Variants in TRPC7 observed in about 807,000 individuals in gnomAD.
TRPC7 encodes transient receptor potential cation channel subfamily C member 7.
A neutral mutation model predicts 90.1 loss-of-function variants in TRPC7; 42 were observed. The observed-to-expected ratio is 0.47, with a 90% CI of 0.36 to 0.60. The LOEUF (loss-of-function observed/expected upper bound fraction) is 0.60. Ranked by LOEUF, TRPC7 falls within the 20% of genes least tolerant of loss-of-function variation. The pLI, the probability that TRPC7 is intolerant of heterozygous loss-of-function variation, is 0.00. For missense variants in TRPC7, 955 were observed against 1,112.3 expected, an observed-to-expected ratio of 0.86 and a Z score of 2.01; for synonymous variants, 451 against 436.3, an observed-to-expected ratio of 1.03 and a Z score of -0.42.
chr5:136,324,312 A>G (rs1049939991), intron 2 of TRPC7, among the ~76,000 whole-genome samples: 1 of 152,176 alleles, frequency 6.6e-6, no homozygotes, highest in Non-Finnish European at 1.5e-5. Context: ...AGAAATGTGC[A>G]TTTACATTGC....
chr5:136,357,387 T>C lies in TRPC7; in HGVS notation c.3-2A>G, dbSNP rs779944989. 1 of 1,588,418 alleles carries C rather than the reference T, an allele frequency of 6.3e-7. No individual in the cohort carries two copies. The highest frequency in any genetic ancestry group is 2.2e-5 in the East Asian group (1 of 44,630). On this transcript the variant is annotated splice_acceptor_variant, in intron 1 of 11. Transcript: ENST00000513104. LOFTEE classifies it high-confidence loss of function. ...TTTTTGAAGGTGCTGTTCCTCAACC[T>C]ATGGGACAAGGCAAAGATGCCCTGT...
intron 2 of TRPC7, among the ~76,000 whole-genome samples, chr5:136,317,096 C>T (rs753478067): frequency 7.2e-5 from 11 of 152,156 alleles, no homozygotes; most frequent in Non-Finnish European, 1.6e-4. Flanking sequence ...AAAATATTTT[C>T]AGGTGAGAGT....
At chr5:136,344,875 G>A (rs530339867) in intron 2 of TRPC7, among the ~76,000 whole-genome samples, 21 of 152,268 alleles carry the variant, frequency 1.4e-4, no homozygotes, top group South Asian at 4.1e-4. Flanking sequence ...GTAGGTAGCA[G>A]ACAGAAGCAA....
chr5:136,290,411 G>T (rs1358550138), intron 3 of TRPC7, among the ~76,000 whole-genome samples: 1 of 152,146 alleles, frequency 6.6e-6, no homozygotes, highest in African/African-American at 2.4e-5. Flanking sequence ...CAGACGAATG[G>T]ATAACTAGAA....
chr5:136,360,601 G>A (rs776622024), intron 1 of TRPC7, among the ~76,000 whole-genome samples: 3 of 152,236 alleles, frequency 2.0e-5, no homozygotes, highest in East Asian at 1.9e-4. Context: ...AGACTCTTTC[G>A]CAGCCTTTAA....
At chr5:136,271,527 C>T (rs762676468) in intron 4 of TRPC7, among the ~76,000 whole-genome samples, 2 of 152,196 alleles carry the variant, frequency 1.3e-5, no homozygotes, top group Non-Finnish European at 2.9e-5. Context: ...ACAGCTTAGG[C>T]AGCTATAAAG....
At chr5:136,236,564 G>A (rs193067329) in intron 7 of TRPC7, among the ~76,000 whole-genome samples, 198 of 152,318 alleles carry the variant, frequency 1.3e-3, no homozygotes, top group Admixed American at 5.6e-3. Context: ...CATGAGTGAT[G>A]TTGAATAGGC....
At chr5:136,319,653 C>T (rs1363305586) in intron 2 of TRPC7, among the ~76,000 whole-genome samples, 1 of 152,092 alleles carries the variant, frequency 6.6e-6, no homozygotes, top group East Asian at 1.9e-4. Flanking sequence ...CTTTTCTTGT[C>T]AAGGTCATAA....
At chr5:136,221,768 C>T (rs953849418) in intron 10 of TRPC7, among the ~76,000 whole-genome samples, 3 of 152,146 alleles carry the variant, frequency 2.0e-5, no homozygotes, top group African/African-American at 4.8e-5. Flanking sequence ...TTGATCTCTT[C>T]GGTAAAGGCT....
intron 2 of TRPC7, among the ~76,000 whole-genome samples, chr5:136,332,846 G>A (rs1759540615): frequency 6.6e-6 from 1 of 152,138 alleles, no homozygotes; most frequent in Non-Finnish European, 1.5e-5. Context: ...GTTGGGTTTG[G>A]TCATAGGACT....
At chr5:136,260,834 T>G (rs1756833389) in intron 5 of TRPC7, among the ~76,000 whole-genome samples, 1 of 152,242 alleles carries the variant, frequency 6.6e-6, no homozygotes, top group African/African-American at 2.4e-5. Context: ...AAACTCTCCA[T>G]TCCTGAAAGT....
chr5:136,306,563 T>C (rs1437716165), intron 3 of TRPC7, among the ~76,000 whole-genome samples: 1 of 152,202 alleles, frequency 6.6e-6, no homozygotes, highest in Non-Finnish European at 1.5e-5. Context: ...AAAGCAGGAA[T>C]GTCAGGCCTC....
intron 5 of TRPC7, among the ~76,000 whole-genome samples, chr5:136,257,375 G>T (rs987345565): frequency 9.9e-5 from 15 of 151,898 alleles, no homozygotes; most frequent in African/African-American, 3.4e-4. Context: ...TAGAGACGAG[G>T]TTTCACCATA....
chr5:136,287,585 G>A (rs1393141568), intron 3 of TRPC7, among the ~76,000 whole-genome samples: 1 of 151,006 alleles, frequency 6.6e-6, no homozygotes, highest in African/African-American at 2.4e-5. Context: ...TGGCTCAGGG[G>A]TCTTGCTTCA....
chr5:136,288,347 C>T (rs1395488757), intron 3 of TRPC7, among the ~76,000 whole-genome samples: 2 of 151,872 alleles, frequency 1.3e-5, no homozygotes, highest in African/African-American at 2.4e-5. Context: ...TTATACATAA[C>T]ATTTTAATAC....
At chr5:136,320,737 T>A (rs1433293401) in intron 2 of TRPC7, among the ~76,000 whole-genome samples, 1 of 152,184 alleles carries the variant, frequency 6.6e-6, no homozygotes, top group Non-Finnish European at 1.5e-5. Context: ...ACACACTTAG[T>A]GTGGACCAGA....
chr5:136,360,335 C>T (rs1170795449), intron 1 of TRPC7, among the ~76,000 whole-genome samples: 1 of 152,058 alleles, frequency 6.6e-6, no homozygotes, highest in African/African-American at 2.4e-5. Context: ...TATTAGCATT[C>T]TCATCTTTTA....
intron 1 of TRPC7, among the ~76,000 whole-genome samples, chr5:136,363,816 C>T (rs1760641815): frequency 6.6e-6 from 1 of 152,192 alleles, no homozygotes; most frequent in Middle Eastern, 3.4e-3. Flanking sequence ...TTTGTATGTG[C>T]TTCTATTTTT....
chr5:136,336,633 A>AG, intron 2 of TRPC7, among the ~76,000 whole-genome samples: 1 of 151,772 alleles, frequency 6.6e-6, no homozygotes, highest in South Asian at 2.1e-4. Flanking sequence ...TATATTAGAT[A>AG]TTTCTCCTAA....
Sources: allele counts gnomAD v4.1 joint callset (sites outside exome capture counted in the v4.1 genomes callset), GRCh38; gene constraint gnomAD v4.1.1; transcripts MANE v1.5; gene names NCBI Gene and HGNC (gene_info 2026-07-23, HGNC 2026-07-21).